SLC35F1: variants seen among roughly 807,000 people sequenced by gnomAD.
The protein encoded by SLC35F1 is solute carrier family 35 member F1.
SLC35F1 carries 14 observed loss-of-function variants against 48.7 expected under a neutral mutation model. The observed-to-expected ratio is 0.29, with a 90% confidence interval of 0.19 to 0.45. The LOEUF (loss-of-function observed/expected upper bound fraction) is 0.45, where lower values mean the gene tolerates loss of function less well. SLC35F1 is among the 20% of genes least tolerant of loss of function. SLC35F1 has a pLI of 1.00. For synonymous variants in SLC35F1, 190 were observed against 202.2 expected (o/e 0.94, Z 0.51); for missense variants, 404 against 500.0 (o/e 0.81, Z 1.83).
At chr6:118,291,242 TACAC>T (rs10603708) in intron 7 of SLC35F1, among the ~76,000 whole-genome samples, 1,622 of 148,630 alleles carry the variant, frequency 0.011, 23 homozygotes, top group South Asian at 0.046. Flanking sequence ...GTATCATGTA[TACAC>T]ACACACACAC....
chr6:118,220,542 G>T (rs1470926542), intron 2 of SLC35F1, among the ~76,000 whole-genome samples: 1 of 152,168 alleles, frequency 6.6e-6, no homozygotes, highest in African/African-American at 2.4e-5. Flanking sequence ...CTTTAAATCA[G>T]TTGGCAAAAT....
intron 1 of SLC35F1, among the ~76,000 whole-genome samples, chr6:117,911,647 T>C (rs376816502): frequency 3.3e-5 from 5 of 152,182 alleles, no homozygotes; most frequent in East Asian, 3.9e-4. Flanking sequence ...GGTCTCGTTC[T>C]GTTTCCCAGG....
intron 1 of SLC35F1, among the ~76,000 whole-genome samples, chr6:117,934,365 A>T (rs902820516): frequency 1.3e-5 from 2 of 152,192 alleles, no homozygotes; most frequent in African/African-American, 4.8e-5. Flanking sequence ...AAATGCAGGG[A>T]CTCATATTAA....
intron 2 of SLC35F1, among the ~76,000 whole-genome samples, chr6:118,234,691 A>G (rs572352081): frequency 2.0e-5 from 3 of 152,346 alleles, no homozygotes; most frequent in East Asian, 1.9e-4. Context: ...AATATGGTAT[A>G]TAGTCACCAT....
At chr6:118,003,900 A>G (rs2114870235) in intron 1 of SLC35F1, among the ~76,000 whole-genome samples, 1 of 152,278 alleles carries the variant, frequency 6.6e-6, no homozygotes, top group African/African-American at 2.4e-5. Context: ...AAGAGGAGAG[A>G]TTCAGAACTG....
At chr6:117,921,614 G>T (rs1162014672) in intron 1 of SLC35F1, among the ~76,000 whole-genome samples, 1 of 152,190 alleles carries the variant, frequency 6.6e-6, no homozygotes, top group African/African-American at 2.4e-5. Flanking sequence ...GTGCTTTCAA[G>T]CCTAAAGAAG....
chr6:117,967,628 A>G (rs1305052327), intron 1 of SLC35F1, among the ~76,000 whole-genome samples: 1 of 152,194 alleles, frequency 6.6e-6, no homozygotes, highest in Non-Finnish European at 1.5e-5. Context: ...CTTTTTGGCA[A>G]TTTCTGAGGG....
intron 1 of SLC35F1, among the ~76,000 whole-genome samples, chr6:118,108,768 AAT>A (rs1773358010): frequency 6.6e-6 from 1 of 152,160 alleles, no homozygotes; most frequent in East Asian, 1.9e-4. Context: ...CTCCCCTTTA[AAT>A]TTTTTTTCTT....
At chr6:118,088,715 G>T (rs1773028338) in intron 1 of SLC35F1, among the ~76,000 whole-genome samples, 1 of 152,168 alleles carries the variant, frequency 6.6e-6, no homozygotes, top group South Asian at 2.1e-4. Flanking sequence ...CATTAAACAA[G>T]GGCATTCAGC....
At chr6:118,042,353 G>T (rs1562272400) in intron 1 of SLC35F1, among the ~76,000 whole-genome samples, 1 of 152,148 alleles carries the variant, frequency 6.6e-6, no homozygotes, top group Non-Finnish European at 1.5e-5. Context: ...AAGCACGTTG[G>T]GTGGTGGCAC....
intron 1 of SLC35F1, among the ~76,000 whole-genome samples, chr6:118,026,858 G>A (rs981712499): frequency 2.0e-5 from 3 of 152,034 alleles, no homozygotes; most frequent in Admixed American, 2.0e-4. Context: ...ACCCCTTTTA[G>A]GTGTAAAGTT....
intron 1 of SLC35F1, among the ~76,000 whole-genome samples, chr6:118,125,833 C>G (rs1773616621): frequency 6.6e-6 from 1 of 152,210 alleles, no homozygotes; most frequent in African/African-American, 2.4e-5. Context: ...ACCATTCCAT[C>G]CACTCTCAAC....
At chr6:118,007,208 G>A (rs1158474438) in intron 1 of SLC35F1, among the ~76,000 whole-genome samples, 4 of 152,062 alleles carry the variant, frequency 2.6e-5, no homozygotes, top group African/African-American at 9.7e-5. Context: ...CTCTACACAC[G>A]GTGGGGGAGC....
chr6:117,960,983 A>G (rs1425943375), intron 1 of SLC35F1, among the ~76,000 whole-genome samples: 1 of 152,168 alleles, frequency 6.6e-6, no homozygotes, highest in African/African-American at 2.4e-5. Flanking sequence ...GTCTTTGACT[A>G]GCTTGGTACT....
At chr6:118,280,297 G>A (rs1482342715) in intron 6 of SLC35F1, among the ~76,000 whole-genome samples, 2 of 152,090 alleles carry the variant, frequency 1.3e-5, no homozygotes, top group African/African-American at 2.4e-5. Flanking sequence ...TTTACCCCAC[G>A]GGTCATACTG....
Position 118,044,531 on chromosome 6 carries a change from G to T in SLC35F1, c.174-109914G>T, listed in dbSNP as rs557912252. ...GGGGCCACCATGGCTCAGAGGCTGT[G>T]ACTGGGAGGCCCTGGCAGTATTTCT... On this transcript the variant is annotated intron_variant, in intron 1 of 7. Transcript: ENST00000360388. Among the ~76,000 whole-genome samples the T allele has an allele frequency of 5.1e-4, 78 of 152,302 alleles. 1 individual carries two copies. The Middle Eastern group carries it at 0.01, about 20-fold the overall frequency.
At chr6:118,108,938 A>C (rs1320031898) in intron 1 of SLC35F1, among the ~76,000 whole-genome samples, 8 of 152,172 alleles carry the variant, frequency 5.3e-5, no homozygotes, top group Non-Finnish European at 1.0e-4. Context: ...AAAGTCCTCT[A>C]TGCCTGTGCT....
chr6:118,050,227 AG>A (rs1439527792), intron 1 of SLC35F1, among the ~76,000 whole-genome samples: 4 of 149,898 alleles, frequency 2.7e-5, no homozygotes, highest in African/African-American at 9.8e-5. Flanking sequence ...GGGTGGGAGG[AG>A]GGGGGAGGGA....
chr6:118,046,262 G>A (rs562823430), intron 1 of SLC35F1, among the ~76,000 whole-genome samples: 100 of 152,260 alleles, frequency 6.6e-4, no homozygotes, highest in African/African-American at 2.4e-3. Flanking sequence ...TCAAAATTCA[G>A]TAACGACAGT....
Sources: allele counts gnomAD v4.1 joint callset (sites outside exome capture counted in the v4.1 genomes callset), GRCh38; gene constraint gnomAD v4.1.1; transcripts MANE v1.5; gene names NCBI Gene and HGNC (gene_info 2026-07-23, HGNC 2026-07-21).